Variants in SLC5A10 observed in about 807,000 individuals in gnomAD.
SLC5A10 encodes sodium/mannose cotransporter SLC5A10.
In SLC5A10, 55 loss-of-function variants were observed where a neutral mutation model predicts 68.9. That is an observed-to-expected ratio of 0.80 (90% CI 0.64 to 1.00). The LOEUF is 1.00. SLC5A10 is among the 50% of genes least tolerant of loss of function. The probability of loss-of-function intolerance (pLI) is 0.00; values close to 1 mark genes in which losing one functional copy is unlikely to be tolerated. For missense variants in SLC5A10, 732 were observed against 819.3 expected, an observed-to-expected ratio of 0.89 and a Z score of 1.30; for synonymous variants, 344 against 344.8, an observed-to-expected ratio of 1.00 and a Z score of 0.02.
intron 9 of SLC5A10, chr17:18,979,806 C>G: frequency 3.9e-6 from 4 of 1,027,172 alleles, no homozygotes; most frequent in Non-Finnish European, 5.8e-6. Flanking sequence ...GGCTGTAAGG[C>G]CTGGAGAAAG....
chr17:18,970,728 CA>C, intron 7 of SLC5A10: 1 of 467,406 alleles, frequency 2.1e-6, no homozygotes. Flanking sequence ...GTCCAGAGGC[CA>C]ACAGTGACTC....
At chr17:18,978,757 C>T in intron 9 of SLC5A10, 3 of 1,612,990 alleles carry the variant, frequency 1.9e-6, no homozygotes, top group Non-Finnish European at 2.5e-6. Context: ...ACATGAGGTA[C>T]AGCTCCTGGA....
upstream of SLC5A10, chr17:18,951,980 C>G (rs116729584): frequency 2.2e-3 from 1,239 of 551,482 alleles, 10 homozygotes; most frequent in African/African-American, 0.021. Context: ...ACTTGCTTCT[C>G]CCAGGCTCCC....
rs368967053 is a variant in SLC5A10, at chr17:18,978,911, C to A, written c.982+1922C>A. ...GACCCTGCTTCCTCCGCCCAGCCCC[C>A]GTGCACCCATAGCCGCTGGGCCTCA... is the stretch of plus-strand genomic sequence containing the variant. On this transcript the variant is annotated intron_variant, in intron 9 of 14. Transcript: ENST00000395645. 79 of 1,576,566 alleles carry A rather than the reference C, an allele frequency of 5.0e-5. No homozygotes were observed. In the East Asian group the frequency reaches 8.8e-4, roughly 18 times the overall value.
In SLC5A10 at chr17:19,018,531, T is replaced by G. The variant is rs535294306; in HGVS notation, c.1242-892T>G. The G allele has an allele frequency of 6.6e-6, 1 of 152,228 alleles. No homozygotes were observed. The highest frequency in any genetic ancestry group is 1.5e-5 in the Non-Finnish European group (1 of 68,054). 9.4% of individuals were successfully genotyped at this position (152,228 alleles called of 1,614,324 possible). A position where few individuals can be genotyped will look rare whatever the true frequency, so the allele number is the denominator to read the frequency against. Reference sequence around the variant, plus strand: ...GCACCAGGTCCCACTCATCGCCGAGTTGGGGATCCTAGGGTAGTGTCCTAC... The same window carrying G: ...GCACCAGGTCCCACTCATCGCCGAGGTGGGGATCCTAGGGTAGTGTCCTAC... On this transcript the variant is annotated intron_variant, in intron 11 of 14. Coordinates refer to ENST00000395645, the MANE Select transcript of SLC5A10 (RefSeq NM_001042450.4). This position sits in a 1 kb window ranked among gnomAD's most constrained non-coding sequence, Gnocchi z 4.2.
chr17:19,008,540 C>G (rs1366184339), intron 9 of SLC5A10, among the ~76,000 whole-genome samples: 1 of 150,240 alleles, frequency 6.7e-6, no homozygotes, highest in Non-Finnish European at 1.5e-5. Flanking sequence ...TGCACTGTTG[C>G]CCAGGCTGGC....
chr17:19,013,582 T>A (rs2044067080), intron 10 of SLC5A10, 65 bp downstream of exon 10: 1 of 972,202 alleles, frequency 1.0e-6, no homozygotes, highest in Admixed American at 5.0e-5. Context: ...CCAATGAGTA[T>A]GGGGACTGTG....
intron 9 of SLC5A10, among the ~76,000 whole-genome samples, chr17:19,012,382 C>T (rs916973180): frequency 4.6e-5 from 7 of 152,230 alleles, no homozygotes; most frequent in African/African-American, 1.2e-4. Context: ...CTGGGAAATT[C>T]GTGAGTCCTT....
intron 9 of SLC5A10, chr17:18,979,756 C>T: frequency 6.6e-7 from 1 of 1,515,758 alleles, no homozygotes; most frequent in South Asian, 1.1e-5. Flanking sequence ...CTGCCCAGGG[C>T]TCAGAGGGGA....
chr17:19,006,292 T>C (rs538048641), intron 9 of SLC5A10, among the ~76,000 whole-genome samples: 97 of 152,222 alleles, frequency 6.4e-4, no homozygotes, highest in African/African-American at 1.8e-3. Flanking sequence ...CAGTGGTATG[T>C]ACAATCATTG....
In SLC5A10 at chr17:18,958,741, G is replaced by T; in HGVS notation, c.171G>T (p.Met57Ile). 6.2e-7 allele frequency: 1 copy of T among 1,614,190 alleles called. No homozygotes were observed. Among genetic ancestry groups the T allele is most frequent in the Non-Finnish European group, 8.5e-7 (1 of 1,180,020 alleles). ...GCTACTTCCTGGCAGGCCGGGACAT[G>T]ACGTGGTGGCCGGTGAGTGCACCCT... The part of the protein sequence containing the change: ...VNGYFLAGRD[M>I]TWWPIGASLF... Residue 57 changes from methionine to isoleucine, a missense_variant, in exon 2 of 15, where the codon ATG (methionine) becomes ATT (isoleucine). Coordinates refer to ENST00000395645, the MANE Select transcript of SLC5A10 (RefSeq NM_001042450.4).
At chr17:18,992,440 C>T (rs1393993104) in intron 9 of SLC5A10, among the ~76,000 whole-genome samples, 8 of 152,234 alleles carry the variant, frequency 5.3e-5, no homozygotes, top group African/African-American at 1.9e-4. Flanking sequence ...GTGACAGCAT[C>T]TCACACAAAG....
At chr17:18,977,847 G>GGGGGCC (rs1056183148) in intron 9 of SLC5A10, 2 of 1,610,434 alleles carry the variant, frequency 1.2e-6, no homozygotes, top group African/African-American at 2.7e-5. Flanking sequence ...GAGGGCCGTC[G>GGGGGCC]GGGGCCAGGG....
intron 9 of SLC5A10, among the ~76,000 whole-genome samples, chr17:18,994,333 G>A (rs1402101304): frequency 1.3e-5 from 2 of 152,194 alleles, no homozygotes; most frequent in Non-Finnish European, 2.9e-5. Context: ...GCAGCACAGG[G>A]AGGGGCGCCC....
At position 19,004,252 on chromosome 17, in the gene SLC5A10, C is replaced by G. The variant is rs2043818802; in HGVS notation, c.983-9158C>G. On this transcript the variant is annotated intron_variant, in intron 9 of 14. Transcript: ENST00000395645. The surrounding 1 kb of genome is among the most constrained non-coding windows in gnomAD (Gnocchi z 5.4). ...GGCGGCGGGGGCGGGGCCGGGAACTCAGGTGGGCGTGGGAAGGACGGGGCT... is the reference window on the plus strand; with the variant it reads ...GGCGGCGGGGGCGGGGCCGGGAACTGAGGTGGGCGTGGGAAGGACGGGGCT... 1.9e-6 allele frequency: 1 copy of G among 523,972 alleles called. No individual in the cohort carries two copies. Among genetic ancestry groups the G allele is most frequent in the Non-Finnish European group, 3.3e-6 (1 of 299,890 alleles). The allele number at this position is 523,972 out of a possible 1,614,324, so 32.5% of individuals were successfully genotyped here. A position where few individuals can be genotyped will look rare whatever the true frequency, so the allele number is the denominator to read the frequency against.
chr17:18,971,313 C>A lies in SLC5A10; in HGVS notation c.846+95C>A, dbSNP rs371943662. ...CCTGTCTGCCCTCCGCGTCATGAGTCTGGGCTGGGGCCTCAGAAGGTGTGG... is the reference window on the plus strand; with the variant it reads ...CCTGTCTGCCCTCCGCGTCATGAGTATGGGCTGGGGCCTCAGAAGGTGTGG... On this transcript the variant is annotated intron_variant, in intron 8 of 14. Transcript: ENST00000395645. The surrounding 1 kb of genome is among the most constrained non-coding windows in gnomAD (Gnocchi z 5.5). 1 of 1,607,606 alleles carries A rather than the reference C, an allele frequency of 6.2e-7. No homozygotes were observed. Among genetic ancestry groups the A allele is most frequent in the African/African-American group, 1.3e-5 (1 of 74,802 alleles).
intron 9 of SLC5A10, among the ~76,000 whole-genome samples, chr17:18,993,918 C>G (rs1437909415): frequency 6.6e-6 from 1 of 152,208 alleles, no homozygotes; most frequent in Non-Finnish European, 1.5e-5. Flanking sequence ...AGGTGAAGCC[C>G]TAGCAGGGGA....
rs759451010 is a variant in SLC5A10 at position 18,959,126 on chromosome 17, C to T, written c.184-9C>T. The T allele has an allele frequency of 5.6e-6, 9 of 1,606,716 alleles. No individual in the cohort carries two copies. The highest frequency in any genetic ancestry group is 7.7e-6 in the Non-Finnish European group (9 of 1,174,256). ...CTGCTGCTGATGCGTTTCCCTTTCT[C>T]TCCTCCAGATTGGAGCCTCCCTCTT... On this transcript the variant is annotated splice_polypyrimidine_tract_variant and intron_variant, in intron 2 of 14. Coordinates refer to ENST00000395645, the MANE Select transcript of SLC5A10 (RefSeq NM_001042450.4).
intron 9 of SLC5A10, among the ~76,000 whole-genome samples, chr17:19,010,137 C>T (rs2043983840): frequency 6.6e-6 from 1 of 152,080 alleles, no homozygotes; most frequent in Non-Finnish European, 1.5e-5. Flanking sequence ...CGGGTTTGAG[C>T]AGGGAAGAGC....
Sources: gnomAD v4.1 joint callset for allele counts (sites outside exome capture counted in the v4.1 genomes callset) on GRCh38, gnomAD v4.1.1 for gene constraint, Gnocchi (gnomAD v3.1) non-coding constraint, MANE v1.5 for transcripts, NCBI Gene and HGNC (gene_info 2026-07-23, HGNC 2026-07-21) for gene names.